The following CSMD1 variants were observed in gnomAD, a reference collection of about 807,000 sequenced individuals.
CSMD1 encodes the protein CUB and Sushi multiple domains 1.
Under a neutral mutation model 417.5 loss-of-function variants are expected in CSMD1, and 213 were observed. That is an observed-to-expected ratio of 0.51 (90% CI 0.46 to 0.57). The LOEUF is 0.57. Among genes scored for constraint, CSMD1 ranks in the 20% least tolerant of loss-of-function variants. The probability of loss-of-function intolerance (pLI) is 0.00; values close to 1 mark genes in which losing one functional copy is unlikely to be tolerated. For missense variants in CSMD1, 6,923 were observed against 4,529.7 expected, an observed-to-expected ratio of 1.53 and a Z score of -15.17; for synonymous variants, 2,862 against 1,736.8, an observed-to-expected ratio of 1.65 and a Z score of -16.11.
intron 3 of CSMD1, among the ~76,000 whole-genome samples, chr8:4,171,048 A>G (rs3916139): frequency 0.37 from 56,204 of 151,606 alleles, 11,135 homozygotes; most frequent in Non-Finnish European, 0.42. Context: ...CGATCTCTCC[A>G]TCCTCATCTG....
chr8:4,004,288 A>C (rs971787544), intron 4 of CSMD1, among the ~76,000 whole-genome samples: 4 of 152,126 alleles, frequency 2.6e-5, no homozygotes, highest in African/African-American at 9.6e-5. Context: ...ATAATGAATG[A>C]AACTTGGGAA....
chr8:4,170,628 A>ACC (rs1797717501), intron 3 of CSMD1, among the ~76,000 whole-genome samples: 1 of 151,900 alleles, frequency 6.6e-6, no homozygotes, highest in African/African-American at 2.4e-5. Context: ...TGGGTGGAAA[A>ACC]CATTTGTTTT....
chr8:3,940,213 C>T (rs1310896792), intron 5 of CSMD1, among the ~76,000 whole-genome samples: 2 of 151,220 alleles, frequency 1.3e-5, no homozygotes, highest in East Asian at 1.9e-4. Flanking sequence ...AAAGTTCTAC[C>T]ACCAAAAAAC....
chr8:3,765,304 T>G (rs894896845), intron 5 of CSMD1, among the ~76,000 whole-genome samples: 4 of 152,302 alleles, frequency 2.6e-5, no homozygotes, highest in African/African-American at 9.6e-5. Context: ...TTTGCCTGTG[T>G]AAATCCTTCC....
chr8:4,670,360 G>A (rs938181247), intron 1 of CSMD1, among the ~76,000 whole-genome samples: 1 of 152,078 alleles, frequency 6.6e-6, no homozygotes, highest in African/African-American at 2.4e-5. Flanking sequence ...CAAGATTGTG[G>A]CTAATAATGA....
At chr8:3,843,545 A>G (rs1803272938) in intron 5 of CSMD1, among the ~76,000 whole-genome samples, 1 of 152,208 alleles carries the variant, frequency 6.6e-6, no homozygotes, top group African/African-American at 2.4e-5. Context: ...AGTAAAAAAA[A>G]AACAAGTTAT....
chr8:4,678,229 G>C lies in CSMD1; in HGVS notation c.86-40671C>G, dbSNP rs1438197285. Among the ~76,000 whole-genome samples the C allele has an allele frequency of 2.0e-5, 3 of 151,872 alleles. No individual in the cohort carries two copies. In the East Asian group the frequency reaches 5.8e-4, roughly 29 times the overall value. ...AGTTCGAGGTCAGCCTGGCCAACCT[G>C]GTGAAACCCTGTCTCTAATGAAAAT... On this transcript the variant is annotated intron_variant, in intron 1 of 69. Coordinates refer to ENST00000635120, the MANE Select transcript of CSMD1 (RefSeq NM_033225.6).
chr8:4,661,209 G>T (rs999848192), intron 1 of CSMD1, among the ~76,000 whole-genome samples: 2 of 152,124 alleles, frequency 1.3e-5, no homozygotes, highest in Non-Finnish European at 2.9e-5. Context: ...AACTGAAACA[G>T]CCCAGATGTC....
intron 1 of CSMD1, among the ~76,000 whole-genome samples, chr8:4,965,664 T>G (rs1809811451): frequency 2.0e-5 from 3 of 152,308 alleles, no homozygotes; most frequent in South Asian, 4.1e-4. Flanking sequence ...AAGTACATGC[T>G]CTTAGTCTCC....
intron 4 of CSMD1, among the ~76,000 whole-genome samples, chr8:4,023,776 TTTTTTTTTG>T (rs945247404): frequency 5.9e-5 from 7 of 118,302 alleles, no homozygotes; most frequent in African/African-American, 1.8e-4. Context: ...TTTTTTTTTT[TTTTTTTTTG>T]TGTGTGTATT....
rs546717309 is a variant in CSMD1 at position 4,111,034 on chromosome 8, G to C, written c.416-78935C>G. Among the ~76,000 whole-genome samples, 309 of 152,146 alleles carry C rather than the reference G, an allele frequency of 2.0e-3. 3 individuals are homozygous for C. The highest frequency in any genetic ancestry group is 7.2e-3 in the African/African-American group (297 of 41,538). On this transcript the variant is annotated intron_variant, in intron 3 of 69. Coordinates refer to ENST00000635120, the MANE Select transcript of CSMD1 (RefSeq NM_033225.6). Reference sequence around the variant, plus strand: ...CTGCAATCAGGGACTCCCTGCGAAAGGAAATAACTTAATAAACCTTGCACC... The same window carrying C: ...CTGCAATCAGGGACTCCCTGCGAAACGAAATAACTTAATAAACCTTGCACC...
intron 54 of CSMD1, among the ~76,000 whole-genome samples, chr8:2,987,425 TA>T (rs1433486342): frequency 4.0e-5 from 6 of 148,350 alleles, no homozygotes; most frequent in African/African-American, 1.5e-4. Flanking sequence ...AATATATACA[TA>T]AATATATATA....
chr8:3,591,680 G>A (rs1485055731), intron 8 of CSMD1, among the ~76,000 whole-genome samples: 1 of 152,120 alleles, frequency 6.6e-6, no homozygotes, highest in Non-Finnish European at 1.5e-5. Context: ...CCAATAGATA[G>A]ATGAGAGATA....
chr8:3,014,896 A>G (rs2128965926), intron 52 of CSMD1, among the ~76,000 whole-genome samples: 1 of 152,202 alleles, frequency 6.6e-6, no homozygotes, highest in African/African-American at 2.4e-5. Flanking sequence ...AGCCTGGGTA[A>G]CACAGTGAGA....
chr8:3,327,224 G>T (rs1314213294), intron 23 of CSMD1, among the ~76,000 whole-genome samples: 1 of 151,604 alleles, frequency 6.6e-6, no homozygotes, highest in South Asian at 2.1e-4. Flanking sequence ...CTCACTGTAA[G>T]CTCCGCCTCC....
intron 3 of CSMD1, among the ~76,000 whole-genome samples, chr8:4,277,098 T>G (rs1275852621): frequency 6.6e-6 from 1 of 152,136 alleles, no homozygotes; most frequent in Non-Finnish European, 1.5e-5. Flanking sequence ...CATGTAACTT[T>G]TCTGCCAATT....
chr8:4,102,712 C>A (rs757330296), intron 3 of CSMD1, among the ~76,000 whole-genome samples: 1 of 152,072 alleles, frequency 6.6e-6, no homozygotes, highest in African/African-American at 2.4e-5. Context: ...TAAAATGTAT[C>A]CAAAAGATTT....
At chr8:4,645,018 T>A (rs79910072) in intron 1 of CSMD1, among the ~76,000 whole-genome samples, 1 of 152,180 alleles carries the variant, frequency 6.6e-6, no homozygotes, top group Non-Finnish European at 1.5e-5. Flanking sequence ...TATATTCTGG[T>A]TAGTGATTAC....
intron 3 of CSMD1, among the ~76,000 whole-genome samples, chr8:4,201,231 G>C (rs777158645): frequency 6.6e-5 from 10 of 152,272 alleles, no homozygotes; most frequent in South Asian, 2.1e-4. Flanking sequence ...ATACTGGTGA[G>C]TATGGTTGTA....
Sources: allele counts gnomAD v4.1 joint callset (sites outside exome capture counted in the v4.1 genomes callset), GRCh38; gene constraint gnomAD v4.1.1; transcripts MANE v1.5; gene names NCBI Gene and HGNC (gene_info 2026-07-23, HGNC 2026-07-21).